SULT1B1: variants seen among roughly 807,000 people sequenced by gnomAD.
SULT1B1 encodes sulfotransferase family 1B member 1.
SULT1B1 carries 28 observed loss-of-function variants against 34.6 expected under a neutral mutation model. That is an observed-to-expected ratio of 0.81 (90% CI 0.60 to 1.11). The LOEUF is 1.11. SULT1B1 is among the 50% of genes least tolerant of loss of function. SULT1B1 has a pLI of 0.00. For synonymous variants in SULT1B1, 147 were observed against 110.2 expected (o/e 1.33, Z -2.09); for missense variants, 374 against 352.2 (o/e 1.06, Z -0.50).
chr4:69,734,257 TA>T lies in SULT1B1; in HGVS notation c.382del (p.Tyr128IlefsTer18). On this transcript the variant is annotated frameshift_variant, in exon 5 of 8. Coordinates refer to ENST00000310613, the MANE Select transcript of SULT1B1 (RefSeq NM_014465.4). LOFTEE classifies it high-confidence loss of function. ...AACATCCTTGGCATTACGAGCCAGA[TA>T]AATCATCTGCAGTGGGGGGTGGGGG... is the stretch of plus-strand genomic sequence containing the variant. ...SFWENNCKMI[Y>X]LARNAKDVSV... 1.2e-6 allele frequency: 2 copies of T among 1,608,432 alleles called. No homozygotes were observed.
chr4:69,745,345 T>A (rs1290322730), intron 4 of SULT1B1, among the ~76,000 whole-genome samples: 2 of 152,234 alleles, frequency 1.3e-5, no homozygotes, highest in Non-Finnish European at 1.5e-5. Context: ...GTAAGTATCT[T>A]TGTAGGTCTA....
rs1578041417 is a variant in SULT1B1, at chr4:69,725,047, T to C, written c.*2041A>G. On this transcript the variant is annotated 3_prime_UTR_variant, in exon 8 of 8. Coordinates refer to ENST00000310613, the MANE Select transcript of SULT1B1 (RefSeq NM_014465.4). Reference sequence around the variant, plus strand: ...GGATCTAATTAAACTAAAGAGCTTCTGCACAGCAAAAGAAACTACCATCAG... The same window carrying C: ...GGATCTAATTAAACTAAAGAGCTTCCGCACAGCAAAAGAAACTACCATCAG... 6.6e-6 allele frequency: 1 copy of C among 151,806 alleles called. No individual in the cohort carries two copies. The highest frequency in any genetic ancestry group is 1.5e-5 in the Non-Finnish European group (1 of 68,016). 9.4% of individuals were successfully genotyped at this position (151,806 alleles called of 1,614,324 possible).
In SULT1B1 at chr4:69,726,055, T is replaced by TATATAC. The variant is rs1333923792; in HGVS notation, c.*1032_*1033insGTATAT. 3 of 87,838 alleles carry TATATAC rather than the reference T, an allele frequency of 3.4e-5. No individual in the cohort carries two copies. The highest frequency in any genetic ancestry group is 1.6e-4 in the African/African-American group (3 of 18,608). The allele number at this position is 87,838 out of a possible 1,614,324, so 5.4% of individuals were successfully genotyped here. Reference sequence around the variant, plus strand: ...GTACATATATATATATATATATATATATATATATATATATATATATATATA... The same window carrying TATATAC: ...GTACATATATATATATATATATATATATATACATATATATATATATATATATATATA... On this transcript the variant is annotated 3_prime_UTR_variant, in exon 8 of 8. Coordinates refer to ENST00000310613, the MANE Select transcript of SULT1B1 (RefSeq NM_014465.4).
chr4:69,731,424 C>G (rs866695252), intron 6 of SULT1B1, among the ~76,000 whole-genome samples: 3 of 152,162 alleles, frequency 2.0e-5, no homozygotes, highest in Admixed American at 6.5e-5. Flanking sequence ...TTCCACAAAT[C>G]CCGTCCCTGG....
At chr4:69,732,893 C>T (rs1718136923) in intron 6 of SULT1B1, among the ~76,000 whole-genome samples, 1 of 151,590 alleles carries the variant, frequency 6.6e-6, no homozygotes, top group Non-Finnish European at 1.5e-5. Flanking sequence ...TGAAAGAGAA[C>T]AAAATAGTAA....
Position 69,734,224 on chromosome 4 carries a change from G to A in SULT1B1, c.416C>T (p.Ser139Leu), listed in dbSNP as rs982684361. 7 of 1,613,102 alleles carry A rather than the reference G, an allele frequency of 4.3e-6. No homozygotes were observed. Among genetic ancestry groups the A allele is most frequent in the Non-Finnish European group, 5.9e-6 (7 of 1,179,610 alleles). Residue 139 changes from serine to leucine, a missense_variant, in exon 5 of 8, where the codon TCA (serine) becomes TTA (leucine). Coordinates refer to ENST00000310613, the MANE Select transcript of SULT1B1 (RefSeq NM_014465.4). The stretch of plus-strand genomic sequence containing the variant: ...ATTCATTAAGTCAAAATGGTAATAT[G>A]AGACTGAAACATCCTTGGCATTACG... ...LARNAKDVSV[S>L]YYHFDLMNNL...
At chr4:69,730,723 C>CAATAA in intron 6 of SULT1B1, 42 bp from the exon 7 acceptor site, 2 of 1,533,092 alleles carry the variant, frequency 1.3e-6, no homozygotes, top group Non-Finnish European at 1.8e-6. Flanking sequence ...AAGTAACTCA[C>CAATAA]ACAATGTGAA....
At position 69,743,828 on chromosome 4, in the gene SULT1B1, C is replaced by CAGAT. The variant is rs374651463; in HGVS notation, c.375+5889_375+5892dup. ...GTGTGTTCCGCGAGCGGGTAGTGGC[C>CAGAT]AGATAGTGGGAGCAGACACCTCTGA... On this transcript the variant is annotated intron_variant, in intron 4 of 7. Coordinates refer to ENST00000310613, the MANE Select transcript of SULT1B1 (RefSeq NM_014465.4). Among the ~76,000 whole-genome samples, 88 of 152,262 alleles carry CAGAT rather than the reference C, an allele frequency of 5.8e-4. 1 individual carries two copies. Among genetic ancestry groups the CAGAT allele is most frequent in the African/African-American group, 2.1e-3 (86 of 41,552 alleles).
intron 1 of SULT1B1, chr4:69,760,207 C>G (rs888205732): frequency 3.0e-6 from 3 of 983,988 alleles, no homozygotes; most frequent in Non-Finnish European, 3.6e-6. Flanking sequence ...AAGTGGCTTA[C>G]AGTTTCTTGA....
At chr4:69,751,918 T>C (rs929175434) in intron 3 of SULT1B1, among the ~76,000 whole-genome samples, 1 of 152,210 alleles carries the variant, frequency 6.6e-6, no homozygotes, top group African/African-American at 2.4e-5. Context: ...ACTTTTTCAT[T>C]TCATACTTTC....
intron 4 of SULT1B1, among the ~76,000 whole-genome samples, chr4:69,741,830 G>T (rs921343556): frequency 6.6e-6 from 1 of 152,208 alleles, no homozygotes; most frequent in African/African-American, 2.4e-5. Context: ...ACTATGAAGA[G>T]AAATAATGTG....
chr4:69,730,458 TAAGA>T (rs765855882), intron 7 of SULT1B1, 39 bp downstream of exon 7: 7 of 1,546,192 alleles, frequency 4.5e-6, no homozygotes, highest in Non-Finnish European at 6.2e-6. Flanking sequence ...TGATAATTCA[TAAGA>T]AAGTACGAAA....
rs1213097391 is a variant in SULT1B1, at chr4:69,722,475, G to A, written c.*4613C>T. 1 of 151,938 alleles carries A rather than the reference G, an allele frequency of 6.6e-6. No homozygotes were observed. The highest frequency in any genetic ancestry group is 1.5e-5 in the Non-Finnish European group (1 of 67,978). The allele number at this position is 151,938 out of a possible 1,614,324, so 9.4% of individuals were successfully genotyped here. A position where few individuals can be genotyped will look rare whatever the true frequency, so the allele number is the denominator to read the frequency against. On this transcript the variant is annotated 3_prime_UTR_variant, in exon 8 of 8. Coordinates refer to ENST00000310613, the MANE Select transcript of SULT1B1 (RefSeq NM_014465.4). ...ATACATGATTTAGTTTACTTCTCGTGGACAAGGGTATTGGAGAAAGCTGGA... is the reference window on the plus strand; with the variant it reads ...ATACATGATTTAGTTTACTTCTCGTAGACAAGGGTATTGGAGAAAGCTGGA...
intron 7 of SULT1B1, among the ~76,000 whole-genome samples, chr4:69,728,403 T>C (rs1477348507): frequency 4.6e-5 from 7 of 152,072 alleles, no homozygotes; most frequent in African/African-American, 1.7e-4. Context: ...TTATCTAATA[T>C]GGCATCTTTC....
At position 69,738,895 on chromosome 4, in the gene SULT1B1, T is replaced by C. The variant is rs118011419; in HGVS notation, c.376-4631A>G. Among the ~76,000 whole-genome samples the C allele has an allele frequency of 1.8e-3, 268 of 151,844 alleles. 7 individuals are homozygous for C. The East Asian group carries it at 0.048, about 27-fold the overall frequency. On this transcript the variant is annotated intron_variant, in intron 4 of 7. Transcript: ENST00000310613. ...CCCATTCCAAATGGGAAAAAAATGG[T>C]TGAAACAAAAGGGGCTAGAGGCTCC...
chr4:69,722,246 CAG>C lies in SULT1B1; in HGVS notation c.*4840_*4841del, dbSNP rs1183704121. 2 of 152,064 alleles carry C rather than the reference CAG, an allele frequency of 1.3e-5. No individual in the cohort carries two copies. Among genetic ancestry groups the C allele is most frequent in the African/African-American group, 4.8e-5 (2 of 41,428 alleles). The allele number at this position is 152,064 out of a possible 1,614,324, so 9.4% of individuals were successfully genotyped here. A position where few individuals can be genotyped will look rare whatever the true frequency, so the allele number is the denominator to read the frequency against. On this transcript the variant is annotated 3_prime_UTR_variant, in exon 8 of 8. Coordinates refer to ENST00000310613, the MANE Select transcript of SULT1B1 (RefSeq NM_014465.4). ...GTTTTCGTTGAATACAGTCCAATTA[CAG>C]AGAGTTATTTCTACAAAGTAAAACT...
At chr4:69,737,741 G>C (rs1382187608) in intron 4 of SULT1B1, among the ~76,000 whole-genome samples, 1 of 151,868 alleles carries the variant, frequency 6.6e-6, no homozygotes, top group Admixed American at 6.6e-5. Context: ...AAATAAAAAT[G>C]AACTCCAAAA....
At chr4:69,734,030 C>G (rs1451190231) in intron 5 of SULT1B1, 108 bp downstream of exon 5, 2 of 974,112 alleles carry the variant, frequency 2.1e-6, no homozygotes, top group Non-Finnish European at 2.8e-6. Context: ...TTTGAACATA[C>G]TTTTCACTAG....
At chr4:69,739,012 T>C (rs957501104) in intron 4 of SULT1B1, among the ~76,000 whole-genome samples, 2 of 152,238 alleles carry the variant, frequency 1.3e-5, no homozygotes, top group Non-Finnish European at 2.9e-5. Context: ...ATTAGGCTGA[T>C]GTAAGAGGTA....
Sources: gnomAD v4.1 joint callset for allele counts (sites outside exome capture counted in the v4.1 genomes callset) on GRCh38, gnomAD v4.1.1 for gene constraint, MANE v1.5 for transcripts, NCBI Gene and HGNC (gene_info 2026-07-23, HGNC 2026-07-21) for gene names.